The following MACROD2 variants were observed in gnomAD, a reference collection of about 807,000 sequenced individuals.
MACROD2 encodes the protein mono-ADP ribosylhydrolase 2, also known as ADP-ribose glycohydrolase MACROD2.
In MACROD2, 36 loss-of-function variants were observed where a neutral mutation model predicts 70.4. That is an observed-to-expected ratio of 0.51 (90% CI 0.39 to 0.68). The LOEUF is 0.68. Ranked by LOEUF, MACROD2 falls within the 30% of genes least tolerant of loss-of-function variation. The pLI, the probability that MACROD2 is intolerant of heterozygous loss-of-function variation, is 0.00. For synonymous variants in MACROD2, 172 were observed against 178.8 expected (o/e 0.96, Z 0.30); for missense variants, 496 against 538.4 (o/e 0.92, Z 0.78).
At chr20:15,131,423 TAAAC>T (rs756216983) in intron 5 of MACROD2, among the ~76,000 whole-genome samples, 14 of 151,924 alleles carry the variant, frequency 9.2e-5, no homozygotes, top group African/African-American at 3.4e-4. Flanking sequence ...GTGAGAAAAA[TAAAC>T]AAGTCACTTA....
intron 5 of MACROD2, among the ~76,000 whole-genome samples, chr20:14,964,299 G>A (rs1415735321): frequency 3.9e-5 from 6 of 152,198 alleles, no homozygotes; most frequent in Middle Eastern, 3.4e-3. Flanking sequence ...CAGGCCGGGC[G>A]CGGTGGCTCA....
intron 12 of MACROD2, among the ~76,000 whole-genome samples, chr20:15,958,635 A>G (rs1314978834): frequency 6.6e-6 from 1 of 152,186 alleles, no homozygotes; most frequent in East Asian, 1.9e-4. Context: ...CCAAGTATCC[A>G]TGTGCACAAA....
chr20:15,146,320 G>A (rs2076229935), intron 5 of MACROD2, among the ~76,000 whole-genome samples: 3 of 152,108 alleles, frequency 2.0e-5, no homozygotes, highest in South Asian at 4.1e-4. Flanking sequence ...GAGTATCTGT[G>A]TTGAGTGTTC....
At chr20:15,882,372 T>G (rs1413972327) in intron 9 of MACROD2, among the ~76,000 whole-genome samples, 4 of 152,054 alleles carry the variant, frequency 2.6e-5, no homozygotes, top group African/African-American at 7.2e-5. Context: ...AGAAATTAAC[T>G]TGTAAATTAT....
chr20:14,570,695 A>C (rs1980134135), intron 4 of MACROD2, among the ~76,000 whole-genome samples: 1 of 151,998 alleles, frequency 6.6e-6, no homozygotes, highest in Non-Finnish European at 1.5e-5. Flanking sequence ...CAGTGTTTCA[A>C]ACTTTCCTGA....
intron 5 of MACROD2, among the ~76,000 whole-genome samples, chr20:14,835,546 A>G (rs1476448063): frequency 3.3e-5 from 5 of 152,050 alleles, no homozygotes; most frequent in Non-Finnish European, 7.4e-5. Context: ...CTAGGCTCTT[A>G]AAGTCTGAGT....
intron 13 of MACROD2, 37 bp downstream of exon 13, chr20:15,967,667 T>A: frequency 4.0e-6 from 5 of 1,255,870 alleles, no homozygotes; most frequent in Non-Finnish European, 5.5e-6. Flanking sequence ...TTTCTTTTCT[T>A]CTGCTGGGAA....
At chr20:14,134,963 C>T (rs1230602024) in intron 3 of MACROD2, among the ~76,000 whole-genome samples, 1 of 152,034 alleles carries the variant, frequency 6.6e-6, no homozygotes, top group Admixed American at 6.5e-5. Context: ...GTAATGGCAA[C>T]AAAGTTAAAC....
At chr20:14,843,361 C>T (rs1222413224) in intron 5 of MACROD2, among the ~76,000 whole-genome samples, 2 of 151,516 alleles carry the variant, frequency 1.3e-5, no homozygotes, top group Non-Finnish European at 2.9e-5. Context: ...ATACTTTACC[C>T]ATACAGTAGT....
intron 8 of MACROD2, among the ~76,000 whole-genome samples, chr20:15,804,076 G>A (rs995049603): frequency 1.3e-5 from 2 of 152,216 alleles, no homozygotes; most frequent in Non-Finnish European, 2.9e-5. Context: ...CTAATGAATT[G>A]AGTATTTCCC....
chr20:14,087,892 T>C (rs941151725), intron 3 of MACROD2, among the ~76,000 whole-genome samples: 4 of 152,108 alleles, frequency 2.6e-5, no homozygotes, highest in Non-Finnish European at 5.9e-5. Context: ...TATGTGTGTG[T>C]ATATATACAT....
chr20:14,832,632 T>G (rs2072984284), intron 5 of MACROD2, among the ~76,000 whole-genome samples: 1 of 152,156 alleles, frequency 6.6e-6, no homozygotes, highest in African/African-American at 2.4e-5. Flanking sequence ...CCCAAGAGAT[T>G]GTAAATACAT....
chr20:14,933,323 A>T (rs2122684865), intron 5 of MACROD2, among the ~76,000 whole-genome samples: 1 of 152,302 alleles, frequency 6.6e-6, no homozygotes, highest in East Asian at 1.9e-4. Context: ...GGTCTTTCAA[A>T]TTATGTTCTC....
intron 7 of MACROD2, 36 bp from the exon 8 acceptor site, chr20:15,499,738 T>G (rs762960814): frequency 6.2e-7 from 1 of 1,606,986 alleles, no homozygotes; most frequent in Non-Finnish European, 8.5e-7. Flanking sequence ...CCTTCATCTT[T>G]CGTTGTTCAT....
chr20:15,064,960 G>C (rs1318521656), intron 5 of MACROD2, among the ~76,000 whole-genome samples: 2 of 152,138 alleles, frequency 1.3e-5, no homozygotes, highest in East Asian at 3.8e-4. Flanking sequence ...ATCACATAAA[G>C]TTAAGTGTGC....
chr20:15,306,038 C>T (rs1017998510), intron 6 of MACROD2, among the ~76,000 whole-genome samples: 5 of 152,134 alleles, frequency 3.3e-5, no homozygotes, highest in Non-Finnish European at 4.4e-5. Flanking sequence ...CCAGTGAAGG[C>T]GAGTATCAAA....
chr20:15,295,700 C>A (rs1314639053), intron 6 of MACROD2, among the ~76,000 whole-genome samples: 1 of 152,010 alleles, frequency 6.6e-6, no homozygotes, highest in Non-Finnish European at 1.5e-5. Context: ...ACCACTCACA[C>A]CCCCCAACTC....
chr20:14,460,973 T>A (rs552371769), intron 3 of MACROD2, among the ~76,000 whole-genome samples: 4 of 151,842 alleles, frequency 2.6e-5, no homozygotes, highest in Admixed American at 1.3e-4. Flanking sequence ...TTTTTTTTTA[T>A]CGTTCGGAAT....
At chr20:14,439,114 G>A (rs375018471) in intron 3 of MACROD2, among the ~76,000 whole-genome samples, 1 of 151,942 alleles carries the variant, frequency 6.6e-6, no homozygotes, top group African/African-American at 2.4e-5. Context: ...TTATTATTTC[G>A]CATGTGGAAA....
Sources: gnomAD v4.1 joint callset for allele counts (sites outside exome capture counted in the v4.1 genomes callset) on GRCh38, gnomAD v4.1.1 for gene constraint, MANE v1.5 for transcripts, NCBI Gene and HGNC (gene_info 2026-07-23, HGNC 2026-07-21) for gene names.